The following GLTP variants were observed in gnomAD, a reference collection of about 807,000 sequenced individuals.
The protein encoded by GLTP is glycolipid transfer protein.
A neutral mutation model predicts 24.0 loss-of-function variants in GLTP; 22 were observed. The ratio of observed to expected loss-of-function variants is 0.92; its 90% CI spans 0.65 to 1.31. The LOEUF (loss-of-function observed/expected upper bound fraction) is 1.31, where lower values mean the gene tolerates loss of function less well. Ranked by LOEUF, GLTP falls within the 50% of genes most tolerant of loss-of-function variation. The probability of loss-of-function intolerance (pLI) is 0.00; values close to 1 mark genes in which losing one functional copy is unlikely to be tolerated. For missense variants in GLTP, 224 were observed against 276.6 expected, an observed-to-expected ratio of 0.81 and a Z score of 1.35; for synonymous variants, 92 against 115.9, an observed-to-expected ratio of 0.79 and a Z score of 1.33.
Position 109,852,372 on chromosome 12 carries a change from CCAA to C in GLTP, c.*180_*182del. On this transcript the variant is annotated 3_prime_UTR_variant, in exon 5 of 5. Coordinates refer to ENST00000318348, the MANE Select transcript of GLTP (RefSeq NM_016433.4). ...TTATTTACTGGTCCTTTAGAATAGA[CCAA>C]AAAAAAAAAAAAAAAAGACTTAAAA... The C allele has an allele frequency of 3.1e-6, 1 of 322,432 alleles. No homozygotes were observed. The highest frequency in any genetic ancestry group is 5.3e-6 in the Non-Finnish European group (1 of 187,374). The allele number at this position is 322,432 out of a possible 1,614,324, so 20.0% of individuals were successfully genotyped here.
At position 109,855,446 on chromosome 12, in the gene GLTP, G is replaced by A. The variant is rs1210904952; in HGVS notation, c.447+173C>T. ...TGTGAATGGGGCTGGCCAAGGGCAC[G>A]GGAGGGGGACCTCTCAGTACACTAG... On this transcript the variant is annotated intron_variant, in intron 4 of 4. Transcript: ENST00000318348. This position sits in a 1 kb window ranked among gnomAD's most constrained non-coding sequence, Gnocchi z 4.1. 6.6e-6 allele frequency among the ~76,000 whole-genome samples: 1 copy of A among 152,140 alleles called. No homozygotes were observed. Among genetic ancestry groups the A allele is most frequent in the African/African-American group, 2.4e-5 (1 of 41,444 alleles).
rs760820940 is a variant in GLTP, at chr12:109,880,265, G to A, written c.103+7C>T. 26 of 1,563,502 alleles carry A rather than the reference G, an allele frequency of 1.7e-5. No individual in the cohort carries two copies. The highest frequency in any genetic ancestry group is 2.2e-5 in the Non-Finnish European group (25 of 1,141,964). The stretch of plus-strand genomic sequence containing the variant: ...GCGGGCCGCCTCCCCCCTCCATTCC[G>A]GCTCACCGAAGAAGGGCGGCAGGTG... On this transcript the variant is annotated splice_region_variant and intron_variant, in intron 1 of 4. Transcript: ENST00000318348. The surrounding 1 kb of genome is among the most constrained non-coding windows in gnomAD (Gnocchi z 5.1).
intron 2 of GLTP, chr12:109,858,283 G>C (rs758723260): frequency 4.4e-6 from 2 of 454,998 alleles, no homozygotes; most frequent in African/African-American, 4.0e-5. Context: ...CCCTTGGCTG[G>C]GCCCTAGGTG....
At chr12:109,858,908 C>T (rs1430651010) in intron 1 of GLTP, among the ~76,000 whole-genome samples, 167 bp from the exon 2 acceptor site, 1 of 152,204 alleles carries the variant, frequency 6.6e-6, no homozygotes, top group African/African-American at 2.4e-5. Context: ...CAGCCCCCAG[C>T]TCTGTTCTCT....
rs551077797 is a variant in GLTP at position 109,868,764 on chromosome 12, ATTAACT to A, written c.104-10029_104-10024del. 3.6e-4 allele frequency among the ~76,000 whole-genome samples: 55 copies of A among 152,308 alleles called. No individual in the cohort carries two copies. In the East Asian group the frequency reaches 9.2e-3, roughly 26 times the overall value. ...TTCAGTTGTTAAACACATGAGGCAG[ATTAACT>A]TTATAGGTCTTGGGTTACAAGGATC... On this transcript the variant is annotated intron_variant, in intron 1 of 4. Coordinates refer to ENST00000318348, the MANE Select transcript of GLTP (RefSeq NM_016433.4).
rs780223948 is a variant in GLTP at position 109,857,711 on chromosome 12, T to A, written c.163-52A>T. The A allele has an allele frequency of 6.2e-7, 1 of 1,604,638 alleles. No homozygotes were observed. Among genetic ancestry groups the A allele is most frequent in the Non-Finnish European group, 8.5e-7 (1 of 1,171,436 alleles). Reference sequence around the variant, plus strand: ...CTTGGGTAAGCTGCCCCCATAGACATCTGGCCCGCACGCTGGGTGAAAAGC... The same window carrying A: ...CTTGGGTAAGCTGCCCCCATAGACAACTGGCCCGCACGCTGGGTGAAAAGC... On this transcript the variant is annotated intron_variant, in intron 2 of 4. Transcript: ENST00000318348. This position sits in a 1 kb window ranked among gnomAD's most constrained non-coding sequence, Gnocchi z 4.3.
Position 109,880,250 on chromosome 12 carries a change from T to TC in GLTP, c.103+21dup. The TC allele has an allele frequency of 2.1e-6, 3 of 1,449,224 alleles. No homozygotes were observed. The highest frequency in any genetic ancestry group is 1.9e-6 in the Non-Finnish European group (2 of 1,043,804). 89.8% of individuals were successfully genotyped at this position (1,449,224 alleles called of 1,614,324 possible). A position where few individuals can be genotyped will look rare whatever the true frequency, so the allele number is the denominator to read the frequency against. On this transcript the variant is annotated intron_variant, in intron 1 of 4. Transcript: ENST00000318348. The surrounding 1 kb of genome is among the most constrained non-coding windows in gnomAD (Gnocchi z 5.1). The stretch of plus-strand genomic sequence containing the variant: ...GGTGCGCGTGGGGCTGCGGGCCGCC[T>TC]CCCCCCTCCATTCCGGCTCACCGAA...
chr12:109,859,772 T>G (rs1014914603), intron 1 of GLTP: 2 of 155,936 alleles, frequency 1.3e-5, no homozygotes, highest in African/African-American at 4.8e-5. Context: ...ATATTAGAAC[T>G]GAGCCATTAA....
At chr12:109,878,457 T>C (rs1023163375) in intron 1 of GLTP, among the ~76,000 whole-genome samples, 3 of 152,050 alleles carry the variant, frequency 2.0e-5, no homozygotes, top group African/African-American at 7.2e-5. Context: ...GCAACAAAAA[T>C]GCCTCCAGGC....
At chr12:109,878,380 T>C (rs902770033) in intron 1 of GLTP, among the ~76,000 whole-genome samples, 8 of 152,166 alleles carry the variant, frequency 5.3e-5, no homozygotes, top group Non-Finnish European at 1.5e-5. Flanking sequence ...CTGTGCACTG[T>C]AGGATACTGA....
At chr12:109,863,291 A>T (rs1255693941) in intron 1 of GLTP, among the ~76,000 whole-genome samples, 1 of 152,130 alleles carries the variant, frequency 6.6e-6, no homozygotes, top group Non-Finnish European at 1.5e-5. Flanking sequence ...ATAAAATCCT[A>T]TTTCTTTTTC....
chr12:109,878,016 G>A (rs185096631), intron 1 of GLTP, among the ~76,000 whole-genome samples: 1 of 152,232 alleles, frequency 6.6e-6, no homozygotes, highest in East Asian at 1.9e-4. Context: ...AACCCATTGT[G>A]GACCAACCCC....
chr12:109,879,197 G>C (rs1024897556), intron 1 of GLTP, among the ~76,000 whole-genome samples: 2 of 152,184 alleles, frequency 1.3e-5, no homozygotes, highest in Non-Finnish European at 2.9e-5. Context: ...ACTGTCTTAA[G>C]ATCTCCTGTC....
intron 1 of GLTP, among the ~76,000 whole-genome samples, chr12:109,879,192 C>T (rs1868982206): frequency 6.6e-6 from 1 of 152,192 alleles, no homozygotes; most frequent in African/African-American, 2.4e-5. Flanking sequence ...GTCGGACTGT[C>T]TTAAGATCTC....
chr12:109,868,395 T>C (rs960171404), intron 1 of GLTP, among the ~76,000 whole-genome samples: 3 of 152,192 alleles, frequency 2.0e-5, no homozygotes, highest in East Asian at 1.9e-4. Flanking sequence ...TACCTGGAAG[T>C]TGCCATCCAA....
intron 1 of GLTP, among the ~76,000 whole-genome samples, chr12:109,874,639 G>A (rs183436281): frequency 1.2e-4 from 18 of 152,256 alleles, no homozygotes; most frequent in East Asian, 3.9e-4. Flanking sequence ...TAAAGATGCC[G>A]AGGCTGTGTT....
At chr12:109,870,791 C>T (rs1355276189) in intron 1 of GLTP, among the ~76,000 whole-genome samples, 2 of 152,092 alleles carry the variant, frequency 1.3e-5, no homozygotes, top group Non-Finnish European at 2.9e-5. Flanking sequence ...AAGTAAGGAA[C>T]TTGGAGGAAC....
chr12:109,860,239 A>G, intron 1 of GLTP: 1 of 188,158 alleles, frequency 5.3e-6, no homozygotes, highest in Non-Finnish European at 1.2e-5. Context: ...CAGCCTCCCA[A>G]AGTGCTGGGA....
chr12:109,856,199 G>A (rs979321308), intron 3 of GLTP, among the ~76,000 whole-genome samples: 2 of 152,138 alleles, frequency 1.3e-5, no homozygotes, highest in African/African-American at 2.4e-5. Flanking sequence ...CTGGCCCCGC[G>A]TGTACCAGGC....
Sources: allele counts gnomAD v4.1 joint callset (sites outside exome capture counted in the v4.1 genomes callset), GRCh38; gene constraint gnomAD v4.1.1; non-coding constraint Gnocchi (gnomAD v3.1); transcripts MANE v1.5; gene names NCBI Gene and HGNC (gene_info 2026-07-23, HGNC 2026-07-21).